ALG14: variants seen among roughly 807,000 people sequenced by gnomAD.
The protein encoded by ALG14 is UDP-N-acetylglucosamine transferase subunit ALG14.
ALG14 carries 17 observed loss-of-function variants against 22.8 expected under a neutral mutation model. The ratio of observed to expected loss-of-function variants is 0.75; its 90% CI spans 0.51 to 1.12. The LOEUF is 1.12. Ranked by LOEUF, ALG14 falls within the 50% of genes most tolerant of loss-of-function variation. The pLI, the probability that ALG14 is intolerant of heterozygous loss-of-function variation, is 0.00. For synonymous variants in ALG14, 89 were observed against 103.7 expected (o/e 0.86, Z 0.86); for missense variants, 288 against 271.8 (o/e 1.06, Z -0.42).
chr1:95,011,695 G>A (rs972441888), intron 3 of ALG14, among the ~76,000 whole-genome samples: 6 of 152,104 alleles, frequency 3.9e-5, no homozygotes, highest in South Asian at 2.1e-4. Flanking sequence ...GATTACAGGT[G>A]TGAGCCGCCG....
chr1:95,006,242 T>C lies in ALG14; in HGVS notation c.420+20887A>G, dbSNP rs140920087. ...TTTGTCATGCCTGGGTATGTACATA[T>C]TGCAAAACACGTAATTTGATTACAA... is the stretch of plus-strand genomic sequence containing the variant. On this transcript the variant is annotated intron_variant, in intron 3 of 3. Coordinates refer to ENST00000370205, the MANE Select transcript of ALG14 (RefSeq NM_144988.4). Among the ~76,000 whole-genome samples the C allele has an allele frequency of 3.2e-3, 486 of 152,350 alleles. 1 individual carries two copies. The highest frequency in any genetic ancestry group is 5.6e-3 in the Non-Finnish European group (379 of 68,036).
rs1672415536 is a variant in ALG14 at position 94,977,265 on chromosome 1, A to C, written c.*5811T>G. On this transcript the variant is annotated 3_prime_UTR_variant, in exon 4 of 4. Transcript: ENST00000370205. ...AAGGCCAAGATAGGAGGATTCCTTG[A>C]GACCAGGAGTTTGAGACCAGTCTGG... The C allele has an allele frequency of 6.6e-6, 1 of 152,234 alleles. No individual in the cohort carries two copies. The highest frequency in any genetic ancestry group is 6.5e-5 in the Admixed American group (1 of 15,280). The allele number at this position is 152,234 out of a possible 1,614,324, so 9.4% of individuals were successfully genotyped here.
chr1:94,997,942 G>A (rs1352422294), intron 3 of ALG14, among the ~76,000 whole-genome samples: 1 of 152,112 alleles, frequency 6.6e-6, no homozygotes, highest in Admixed American at 6.5e-5. Flanking sequence ...CCCACTGAGG[G>A]TATGGCTGGG....
At chr1:94,992,310 A>G (rs1301863750) in intron 3 of ALG14, among the ~76,000 whole-genome samples, 1 of 152,170 alleles carries the variant, frequency 6.6e-6, no homozygotes, top group African/African-American at 2.4e-5. Context: ...TTTCAGCTCT[A>G]TTATAATCTT....
In ALG14 at chr1:94,978,603, G is replaced by C. The variant is rs1199128403; in HGVS notation, c.*4473C>G. The C allele has an allele frequency of 6.6e-6, 1 of 152,184 alleles. No homozygotes were observed. Among genetic ancestry groups the C allele is most frequent in the Non-Finnish European group, 1.5e-5 (1 of 68,048 alleles). 9.4% of individuals were successfully genotyped at this position (152,184 alleles called of 1,614,324 possible). ...GGTGGCTATGTCACAGAGTTATTTA[G>C]AGAATTTGCTCAAGCTAAATGAAGA... On this transcript the variant is annotated 3_prime_UTR_variant, in exon 4 of 4. Transcript: ENST00000370205.
At chr1:95,000,790 A>AG (rs916719351) in intron 3 of ALG14, among the ~76,000 whole-genome samples, 2 of 150,152 alleles carry the variant, frequency 1.3e-5, no homozygotes, top group African/African-American at 4.9e-5. Context: ...AAAAAAAAAA[A>AG]AAAAAAAAAA....
In ALG14 at chr1:94,976,513, T is replaced by G. The variant is rs1294442721; in HGVS notation, c.*6563A>C. The G allele has an allele frequency of 6.6e-6, 1 of 152,000 alleles. No individual in the cohort carries two copies. Among genetic ancestry groups the G allele is most frequent in the Admixed American group, 6.6e-5 (1 of 15,260 alleles). The allele number at this position is 152,000 out of a possible 1,614,324, so 9.4% of individuals were successfully genotyped here. ...TTCGAGACCAGCCCGGCCAACATGGTGAAACCCCATCTCTGCTAAAAATAC... is the reference window on the plus strand; with the variant it reads ...TTCGAGACCAGCCCGGCCAACATGGGGAAACCCCATCTCTGCTAAAAATAC... On this transcript the variant is annotated 3_prime_UTR_variant, in exon 4 of 4. Transcript: ENST00000370205.
chr1:94,996,690 T>G (rs931822621), intron 3 of ALG14, among the ~76,000 whole-genome samples: 1 of 152,188 alleles, frequency 6.6e-6, no homozygotes, highest in East Asian at 1.9e-4. Context: ...TTTTTATTTT[T>G]ATTTTTTTGA....
intron 3 of ALG14, 156 bp from the exon 4 acceptor site, chr1:94,983,462 T>A: frequency 1.5e-6 from 1 of 658,122 alleles, no homozygotes; most frequent in Non-Finnish European, 2.6e-6. Context: ...AGCGCATGTT[T>A]AAGCCCATGC....
intron 2 of ALG14, among the ~76,000 whole-genome samples, chr1:95,037,632 T>C (rs1436007474): frequency 6.6e-6 from 1 of 152,224 alleles, no homozygotes; most frequent in African/African-American, 2.4e-5. Context: ...AGACTGAATT[T>C]TTCCTGTTTT....
chr1:94,992,062 C>A (rs984425130), intron 3 of ALG14, among the ~76,000 whole-genome samples: 2 of 151,952 alleles, frequency 1.3e-5, no homozygotes, highest in African/African-American at 4.8e-5. Flanking sequence ...CCTGAAGGAC[C>A]TGCCTGAAGT....
At chr1:95,045,775 GGCATACTAATAGAATTA>G (rs1269794180) in intron 2 of ALG14, among the ~76,000 whole-genome samples, 4 of 136,972 alleles carry the variant, frequency 2.9e-5, no homozygotes, top group African/African-American at 8.4e-5. Flanking sequence ...CTAATAGAAT[GGCATACTAATAGAATTA>G]GTATACTAAT....
Position 94,985,986 on chromosome 1 carries a change from A to C in ALG14, c.421-2680T>G, listed in dbSNP as rs567486377. 2.0e-5 allele frequency among the ~76,000 whole-genome samples: 3 copies of C among 152,294 alleles called. No individual in the cohort carries two copies. In the South Asian group the frequency reaches 6.2e-4, roughly 32 times the overall value. Reference sequence around the variant, plus strand: ...GTTTTACCTCTTTTTGCAGCAGCCTAGGCAAAAAAATAAAAGTGGATTATG... The same window carrying C: ...GTTTTACCTCTTTTTGCAGCAGCCTCGGCAAAAAAATAAAAGTGGATTATG... On this transcript the variant is annotated intron_variant, in intron 3 of 3. Coordinates refer to ENST00000370205, the MANE Select transcript of ALG14 (RefSeq NM_144988.4).
At chr1:95,032,965 T>C (rs116643485) in intron 2 of ALG14, among the ~76,000 whole-genome samples, 351 of 152,318 alleles carry the variant, frequency 2.3e-3, no homozygotes, top group Non-Finnish European at 3.4e-3. Context: ...ATTCTGGTCT[T>C]AAAGTTTCCT....
At position 95,040,103 on chromosome 1, in the gene ALG14, A is replaced by C. The variant is rs553953328; in HGVS notation, c.289-12843T>G. On this transcript the variant is annotated intron_variant, in intron 2 of 3. Coordinates refer to ENST00000370205, the MANE Select transcript of ALG14 (RefSeq NM_144988.4). The stretch of plus-strand genomic sequence containing the variant: ...GGGTGGATAGCTTAAGCCTGGGAGG[A>C]AGAGGTTGTAGTGAGCCAAGATTGA... Among the ~76,000 whole-genome samples the C allele has an allele frequency of 3.4e-4, 51 of 151,928 alleles. No individual in the cohort carries two copies. The South Asian group carries it at 4.6e-3, about 14-fold the overall frequency.
At chr1:94,993,676 G>C (rs997967317) in intron 3 of ALG14, among the ~76,000 whole-genome samples, 1 of 152,120 alleles carries the variant, frequency 6.6e-6, no homozygotes, top group Admixed American at 6.6e-5. Context: ...CTGATGACAC[G>C]ATGAATAAGC....
intron 3 of ALG14, among the ~76,000 whole-genome samples, chr1:94,998,286 C>A (rs1251175606): frequency 6.6e-6 from 1 of 152,114 alleles, no homozygotes; most frequent in African/African-American, 2.4e-5. Context: ...CATTGTTGTT[C>A]CTGACTCCCA....
At chr1:94,994,703 C>T (rs772551501) in intron 3 of ALG14, among the ~76,000 whole-genome samples, 2 of 152,172 alleles carry the variant, frequency 1.3e-5, no homozygotes, top group Non-Finnish European at 2.9e-5. Context: ...ACCATACTGG[C>T]CTGGCTGAGG....
At chr1:95,027,348 A>G in intron 2 of ALG14, 88 bp from the exon 3 acceptor site, 1 of 1,472,208 alleles carries the variant, frequency 6.8e-7, no homozygotes, top group East Asian at 2.3e-5. Flanking sequence ...AGAAACAGAA[A>G]TGCTTTCTTT....
Sources: gnomAD v4.1 joint callset for allele counts (sites outside exome capture counted in the v4.1 genomes callset) on GRCh38, gnomAD v4.1.1 for gene constraint, MANE v1.5 for transcripts, NCBI Gene and HGNC (gene_info 2026-07-23, HGNC 2026-07-21) for gene names.